MDGA2: variants seen among roughly 807,000 people sequenced by gnomAD.
MDGA2 encodes MAM domain-containing glycosylphosphatidylinositol anchor protein 2.
A neutral mutation model predicts 117.8 loss-of-function variants in MDGA2; 40 were observed. The ratio of observed to expected loss-of-function variants is 0.34; its 90% CI spans 0.26 to 0.44. MDGA2 has a LOEUF of 0.44. Ranked by LOEUF, MDGA2 falls within the 20% of genes least tolerant of loss-of-function variation. The pLI is 1.00. For missense variants in MDGA2, 1,123 were observed against 1,250.6 expected, an observed-to-expected ratio of 0.90 and a Z score of 1.54; for synonymous variants, 452 against 439.0, an observed-to-expected ratio of 1.03 and a Z score of -0.37.
At chr14:47,377,167 G>A (rs1891496935) in intron 1 of MDGA2, among the ~76,000 whole-genome samples, 1 of 152,118 alleles carries the variant, frequency 6.6e-6, no homozygotes. Context: ...TTGAAATTTA[G>A]GGTATAATCC....
intron 10 of MDGA2, among the ~76,000 whole-genome samples, chr14:46,905,251 C>A (rs1291090807): frequency 6.6e-6 from 1 of 152,094 alleles, no homozygotes; most frequent in Non-Finnish European, 1.5e-5. Context: ...ATGAAATTTG[C>A]AATGGTGAAA....
At chr14:46,981,959 A>T (rs1286374072) in intron 8 of MDGA2, among the ~76,000 whole-genome samples, 1 of 152,224 alleles carries the variant, frequency 6.6e-6, no homozygotes, top group African/African-American at 2.4e-5. Context: ...GATGGATAGG[A>T]GGATATCATC....
At position 47,531,231 on chromosome 14, in the gene MDGA2, C is replaced by G. The variant is rs148497095; in HGVS notation, c.280+143286G>C. Among the ~76,000 whole-genome samples, 370 of 152,116 alleles carry G rather than the reference C, an allele frequency of 2.4e-3. 13 individuals are homozygous for G. In the East Asian group the frequency reaches 0.059, roughly 24 times the overall value. On this transcript the variant is annotated intron_variant, in intron 1 of 16. Coordinates refer to ENST00000399232, the MANE Select transcript of MDGA2 (RefSeq NM_001113498.3). The stretch of plus-strand genomic sequence containing the variant: ...CTGCACTCCAGCCTGGGCGACAGAG[C>G]GAGACTCCACCTCAAAACAAACAAA...
intron 8 of MDGA2, among the ~76,000 whole-genome samples, chr14:46,960,984 G>A (rs574666043): frequency 6.2e-4 from 93 of 149,400 alleles, no homozygotes; most frequent in Non-Finnish European, 6.1e-4. Flanking sequence ...AACATTAAAA[G>A]GTATTTTCCT....
chr14:47,402,660 A>T (rs1014803628), intron 1 of MDGA2, among the ~76,000 whole-genome samples: 5 of 152,192 alleles, frequency 3.3e-5, no homozygotes, highest in Admixed American at 1.3e-4. Context: ...GTGTTTTTTT[A>T]AATTTTTGCA....
chr14:47,237,169 AG>A (rs1267234797), intron 2 of MDGA2, among the ~76,000 whole-genome samples: 1 of 152,190 alleles, frequency 6.6e-6, no homozygotes, highest in African/African-American at 2.4e-5. Flanking sequence ...AGCCTTGCTA[AG>A]GAAAAAAATC....
chr14:47,299,770 T>C (rs1473738038), intron 2 of MDGA2, among the ~76,000 whole-genome samples: 3 of 152,136 alleles, frequency 2.0e-5, no homozygotes, highest in Non-Finnish European at 4.4e-5. Context: ...TCTTTTGGAA[T>C]CTTTTTTTTC....
At chr14:46,988,051 A>G (rs1478833710) in intron 8 of MDGA2, among the ~76,000 whole-genome samples, 1 of 151,920 alleles carries the variant, frequency 6.6e-6, no homozygotes, top group Non-Finnish European at 1.5e-5. Flanking sequence ...ATTGAAATTA[A>G]TATTATTAAA....
rs191296370 is a variant in MDGA2 at position 47,617,888 on chromosome 14, A to G, written c.280+56629T>C. ...ACTGTACATAAATGAGTGGATTAAT[A>G]AAAGATTTATATTAAAAAATGCCAG... On this transcript the variant is annotated intron_variant, in intron 1 of 16. Coordinates refer to ENST00000399232, the MANE Select transcript of MDGA2 (RefSeq NM_001113498.3). 1.0e-3 allele frequency among the ~76,000 whole-genome samples: 152 copies of G among 152,308 alleles called. 1 individual carries two copies. The highest frequency in any genetic ancestry group is 3.4e-3 in the African/African-American group (143 of 41,560).
chr14:47,131,846 C>A lies in MDGA2; in HGVS notation c.793G>T (p.Gly265Cys). ...TTTAGTTTTAAGATCTTTGTTTCAC[C>A]CTGAAAATGTACACAAAAAATAAAA... is the stretch of plus-strand genomic sequence containing the variant. ...VEIYEPFFTQ[G>C]ETKILKLKNL... Residue 265 changes from glycine to cysteine, a missense_variant and splice_region_variant, in exon 5 of 17, where the codon GGT (glycine) becomes TGT (cysteine). Transcript: ENST00000399232. 1.3e-6 allele frequency: 2 copies of A among 1,561,108 alleles called. No individual in the cohort carries two copies. Among genetic ancestry groups the A allele is most frequent in the South Asian group, 1.2e-5 (1 of 84,270 alleles).
chr14:47,086,745 T>C (rs996037503), intron 6 of MDGA2, among the ~76,000 whole-genome samples: 11 of 152,294 alleles, frequency 7.2e-5, no homozygotes, highest in Non-Finnish European at 1.2e-4. Context: ...TCTGAATATG[T>C]AGATACTCTC....
chr14:46,912,265 G>A (rs1008869131), intron 10 of MDGA2, among the ~76,000 whole-genome samples: 2 of 151,980 alleles, frequency 1.3e-5, no homozygotes, highest in Non-Finnish European at 2.9e-5. Context: ...ACATACACAC[G>A]AATGCACATT....
chr14:47,444,485 T>C (rs1016306224), intron 1 of MDGA2: 3 of 194,816 alleles, frequency 1.5e-5, no homozygotes, highest in Admixed American at 1.4e-4. Flanking sequence ...AGGACAATCA[T>C]GAGCACCATT....
chr14:47,173,508 G>T (rs559855643), intron 3 of MDGA2, among the ~76,000 whole-genome samples: 29 of 152,272 alleles, frequency 1.9e-4, no homozygotes, highest in Middle Eastern at 3.4e-3. Context: ...CATTCTTAAA[G>T]AAAAGAATTT....
At chr14:47,241,508 T>G (rs1007428628) in intron 2 of MDGA2, among the ~76,000 whole-genome samples, 1 of 151,932 alleles carries the variant, frequency 6.6e-6, no homozygotes, top group Non-Finnish European at 1.5e-5. Context: ...TTGTAAAAAT[T>G]TGTTAATTTT....
intron 1 of MDGA2, among the ~76,000 whole-genome samples, chr14:47,512,383 T>C (rs1894660049): frequency 1.3e-5 from 2 of 152,176 alleles, no homozygotes; most frequent in Non-Finnish European, 2.9e-5. Flanking sequence ...AATTTCCTCA[T>C]TATAAACATT....
rs553895713 is a variant in MDGA2, at chr14:46,878,147, AT to A, written c.2417-639del. ...TTTTCTGTTCTGGGGTACCAAAAGA[AT>A]TTTTTTTCCCCTAAAACTAATTATA... On this transcript the variant is annotated intron_variant, in intron 11 of 16. Coordinates refer to ENST00000399232, the MANE Select transcript of MDGA2 (RefSeq NM_001113498.3). Among the ~76,000 whole-genome samples, 798 of 151,930 alleles carry A rather than the reference AT, an allele frequency of 5.3e-3. 9 individuals are homozygous for A. The highest frequency in any genetic ancestry group is 0.035 in the South Asian group (168 of 4,832).
chr14:47,338,516 G>C (rs1322944120), intron 1 of MDGA2, among the ~76,000 whole-genome samples: 1 of 151,910 alleles, frequency 6.6e-6, no homozygotes, highest in East Asian at 1.9e-4. Flanking sequence ...CAATCCAGCT[G>C]TATGTTTGGA....
intron 8 of MDGA2, among the ~76,000 whole-genome samples, chr14:47,000,350 C>T (rs35603499): frequency 0.32 from 25,733 of 80,762 alleles, 2,691 homozygotes; most frequent in Middle Eastern, 0.38. Flanking sequence ...TATATATATA[C>T]ACACACATAT....
Sources: allele counts gnomAD v4.1 joint callset (sites outside exome capture counted in the v4.1 genomes callset), GRCh38; gene constraint gnomAD v4.1.1; transcripts MANE v1.5; gene names NCBI Gene and HGNC (gene_info 2026-07-23, HGNC 2026-07-21).